MRTFB: variants seen among roughly 807,000 people sequenced by gnomAD.
MRTFB encodes the protein myocardin related transcription factor B.
MRTFB carries 29 observed loss-of-function variants against 104.2 expected under a neutral mutation model. The ratio of observed to expected loss-of-function variants is 0.28; its 90% CI spans 0.21 to 0.38. MRTFB has a LOEUF of 0.38. Among genes scored for constraint, MRTFB ranks in the 10% least tolerant of loss-of-function variants. The pLI, the probability that MRTFB is intolerant of heterozygous loss-of-function variation, is 1.00. For missense variants in MRTFB, 1,270 were observed against 1,341.6 expected (o/e 0.95, Z 0.83); for synonymous variants, 535 against 519.5 (o/e 1.03, Z -0.41).
chr16:14,218,017 C>T (rs2041502356), intron 7 of MRTFB, among the ~76,000 whole-genome samples: 1 of 152,126 alleles, frequency 6.6e-6, no homozygotes, highest in Non-Finnish European at 1.5e-5. Flanking sequence ...TCAACATACA[C>T]CCAGTCATGG....
At chr16:14,104,251 T>G (rs953025438) in intron 2 of MRTFB, among the ~76,000 whole-genome samples, 3 of 152,212 alleles carry the variant, frequency 2.0e-5, no homozygotes, top group Admixed American at 6.5e-5. Flanking sequence ...CCTAAAGGTG[T>G]GACTGTCTGG....
upstream of MRTFB, among the ~76,000 whole-genome samples, chr16:14,067,542 C>T (rs981838336): frequency 2.0e-5 from 3 of 152,146 alleles, no homozygotes; most frequent in African/African-American, 4.8e-5. Flanking sequence ...CCCTTAACCA[C>T]ATCAAAATTC....
chr16:14,256,128 AG>A (rs2151456278), intron 15 of MRTFB, among the ~76,000 whole-genome samples: 5 of 131,926 alleles, frequency 3.8e-5, no homozygotes, highest in African/African-American at 1.2e-4. Context: ...AAAAAAAGAA[AG>A]AAAGAAAAAT....
intron 13 of MRTFB, among the ~76,000 whole-genome samples, chr16:14,251,422 C>T (rs1157741011): frequency 6.6e-6 from 1 of 150,546 alleles, no homozygotes; most frequent in East Asian, 1.9e-4. Flanking sequence ...GATGAGCCCA[C>T]CTTAGAGAGG....
At chr16:14,147,159 G>T (rs1258420634) in intron 3 of MRTFB, among the ~76,000 whole-genome samples, 6 of 152,142 alleles carry the variant, frequency 3.9e-5, no homozygotes, top group South Asian at 2.1e-4. Flanking sequence ...AGGAGTTAGA[G>T]TACTTACACT....
intron 8 of MRTFB, among the ~76,000 whole-genome samples, chr16:14,229,510 C>T (rs1477886526): frequency 6.6e-6 from 1 of 152,192 alleles, no homozygotes; most frequent in Non-Finnish European, 1.5e-5. Context: ...TAGTTTCTGT[C>T]CCTCAAGACC....
At chr16:14,057,326 C>T in the MRTFB span, among the ~76,000 whole-genome samples, 222 of 152,250 alleles carry the variant, frequency 1.5e-3, 2 homozygotes, top group African/African-American at 5.0e-3. Context: ...ATACTGTCAC[C>T]CGATGGCCCT....
the MRTFB span, among the ~76,000 whole-genome samples, chr16:14,003,785 C>T: frequency 1.3e-5 from 2 of 152,070 alleles, no homozygotes; most frequent in African/African-American, 4.8e-5. Flanking sequence ...AGGCACCAAA[C>T]ACTGCATTTC....
Position 14,249,759 on chromosome 16 carries a change from AT to A in MRTFB, c.2403+679del, listed in dbSNP as rs1433366059. The stretch of plus-strand genomic sequence containing the variant: ...CACATCTCCTTGCCAGAAAAATCTT[AT>A]GCCTCAAAAATAGGTCTTACTCTTT... On this transcript the variant is annotated intron_variant, in intron 13 of 16. Coordinates refer to ENST00000571589, the MANE Select transcript of MRTFB (RefSeq NM_001308142.2). 2.6e-5 allele frequency among the ~76,000 whole-genome samples: 4 copies of A among 152,362 alleles called. No individual in the cohort carries two copies. In the East Asian group the frequency reaches 7.7e-4, roughly 29 times the overall value.
At chr16:14,101,824 A>G (rs1487800577) in intron 2 of MRTFB, among the ~76,000 whole-genome samples, 1 of 152,164 alleles carries the variant, frequency 6.6e-6, no homozygotes, top group Non-Finnish European at 1.5e-5. Context: ...TTTTTTTAAA[A>G]AAGGATTTTC....
In MRTFB at chr16:14,242,569, A is replaced by G. The variant is rs575212007; in HGVS notation, c.1079+2085A>G. Among the ~76,000 whole-genome samples, 6 of 152,258 alleles carry G rather than the reference A, an allele frequency of 3.9e-5. No individual in the cohort carries two copies. The East Asian group carries it at 7.7e-4, about 20-fold the overall frequency. ...AGAGTGCCCATAGTGGTGGGAGTTTACCTGAATCATGTAGCCCTTTGCCAC... is the reference window on the plus strand; with the variant it reads ...AGAGTGCCCATAGTGGTGGGAGTTTGCCTGAATCATGTAGCCCTTTGCCAC... On this transcript the variant is annotated intron_variant, in intron 10 of 16. Coordinates refer to ENST00000571589, the MANE Select transcript of MRTFB (RefSeq NM_001308142.2).
At chr16:14,241,491 T>G (rs151282555) in intron 10 of MRTFB, 1 of 152,330 alleles carries the variant, frequency 6.6e-6, no homozygotes, top group Non-Finnish European at 1.5e-5. Context: ...GTCTTCATTT[T>G]CCTCACTTTT....
rs568565225 is a variant in MRTFB at position 14,071,360 on chromosome 16, G to C, written c.-134G>C. On this transcript the variant is annotated 5_prime_UTR_variant, in exon 1 of 17. Transcript: ENST00000571589. ...GGCGGGAGCGGCGGCGGCGGCGGCC[G>C]GGGAGGTGAGCGGCGGGCGGTGGCG... 3,947 of 166,892 alleles carry C rather than the reference G, an allele frequency of 0.024. 187 individuals carry two copies. The highest frequency in any genetic ancestry group is 0.09 in the African/African-American group (3,741 of 41,612). The allele number at this position is 166,892 out of a possible 1,614,324, so 10.3% of individuals were successfully genotyped here.
the MRTFB span, among the ~76,000 whole-genome samples, chr16:13,995,233 T>C: frequency 6.6e-6 from 1 of 152,174 alleles, no homozygotes; most frequent in Non-Finnish European, 1.5e-5. Flanking sequence ...TCAGTATCCT[T>C]CTGACTTGGT....
chr16:14,112,762 C>T (rs1023371004), intron 2 of MRTFB, among the ~76,000 whole-genome samples: 2 of 152,182 alleles, frequency 1.3e-5, no homozygotes, highest in Non-Finnish European at 2.9e-5. Context: ...TTGCTATTGC[C>T]ATCCAACACT....
intron 2 of MRTFB, among the ~76,000 whole-genome samples, chr16:14,084,601 C>T (rs549350712): frequency 1.9e-4 from 29 of 152,006 alleles, no homozygotes; most frequent in Non-Finnish European, 3.4e-4. Context: ...ATGCCTCAAA[C>T]GTAGATATCA....
the MRTFB span, among the ~76,000 whole-genome samples, chr16:14,004,467 G>T: frequency 6.6e-6 from 1 of 152,196 alleles, no homozygotes; most frequent in Non-Finnish European, 1.5e-5. Flanking sequence ...TGGAAGTGGC[G>T]TAAAGAAGGC....
chr16:14,098,141 T>G (rs2035497700), intron 2 of MRTFB, among the ~76,000 whole-genome samples: 1 of 152,198 alleles, frequency 6.6e-6, no homozygotes, highest in Non-Finnish European at 1.5e-5. Context: ...GGTGTCTGTT[T>G]AACTTTTTTT....
intron 2 of MRTFB, among the ~76,000 whole-genome samples, chr16:14,127,926 TA>T (rs61186654): frequency 2.9e-3 from 119 of 41,260 alleles, no homozygotes; most frequent in African/African-American, 0.023. Flanking sequence ...TATATATATA[TA>T]TATTTTTTTT....
Sources: gnomAD v4.1 joint callset for allele counts (sites outside exome capture counted in the v4.1 genomes callset) on GRCh38, gnomAD v4.1.1 for gene constraint, MANE v1.5 for transcripts, NCBI Gene and HGNC (gene_info 2026-07-23, HGNC 2026-07-21) for gene names.